CHD8: variants seen among roughly 807,000 people sequenced by gnomAD.
The protein encoded by CHD8 is chromodomain helicase DNA binding protein 8.
In CHD8, 31 loss-of-function variants were observed where a neutral mutation model predicts 279.2. The ratio of observed to expected loss-of-function variants is 0.11; its 90% CI spans 0.08 to 0.15. The LOEUF (loss-of-function observed/expected upper bound fraction) is 0.15. Ranked by LOEUF, CHD8 falls within the 10% of genes least tolerant of loss-of-function variation. The pLI, the probability that CHD8 is intolerant of heterozygous loss-of-function variation, is 1.00. For synonymous variants in CHD8, 1,081 were observed against 1,139.6 expected (o/e 0.95, Z 1.04); for missense variants, 2,146 against 3,230.5 (o/e 0.66, Z 8.14).
chr14:21,411,330 G>A (rs1029218014), intron 10 of CHD8, among the ~76,000 whole-genome samples: 1 of 152,174 alleles, frequency 6.6e-6, no homozygotes, highest in African/African-American at 2.4e-5. Context: ...AAGCATGCTT[G>A]TTAGGATTTA....
chr14:21,416,039 AAGG>A (rs1441782857), intron 5 of CHD8, 132 bp from the exon 6 acceptor site: 7 of 731,434 alleles, frequency 9.6e-6, no homozygotes, highest in Non-Finnish European at 1.4e-5. Context: ...AAAAGATGAT[AAGG>A]AGATTATCTG....
chr14:21,387,462 A>G (rs188692529), intron 37 of CHD8, among the ~76,000 whole-genome samples: 4 of 151,758 alleles, frequency 2.6e-5, no homozygotes, highest in African/African-American at 7.3e-5. Context: ...GAGAAACCCC[A>G]TCTCTACTAA....
chr14:21,404,601 G>A (rs927286595), intron 16 of CHD8, among the ~76,000 whole-genome samples: 1 of 152,130 alleles, frequency 6.6e-6, no homozygotes, highest in Non-Finnish European at 1.5e-5. Context: ...AAGGAACAGA[G>A]TAACCTAAGA....
intron 16 of CHD8, among the ~76,000 whole-genome samples, chr14:21,404,217 G>T (rs531515515): frequency 1.3e-5 from 2 of 151,960 alleles, no homozygotes; most frequent in African/African-American, 4.8e-5. Flanking sequence ...GCCCCATGTG[G>T]CGAAACCCTG....
chr14:21,429,683 C>T (rs1020881472), intron 2 of CHD8: 5 of 382,092 alleles, frequency 1.3e-5, no homozygotes, highest in African/African-American at 1.0e-4. Flanking sequence ...ATATTGATGT[C>T]AAACTTAGTG....
At chr14:21,393,358 T>G in intron 32 of CHD8, 104 bp from the exon 33 acceptor site, 1 of 1,529,198 alleles carries the variant, frequency 6.5e-7, no homozygotes, top group Non-Finnish European at 8.8e-7. Flanking sequence ...AATGGCACTC[T>G]TTTGACATTT....
intron 5 of CHD8, among the ~76,000 whole-genome samples, chr14:21,423,064 A>C (rs757147074): frequency 5.9e-5 from 9 of 152,124 alleles, no homozygotes; most frequent in Non-Finnish European, 1.0e-4. Context: ...TACTAAAAAT[A>C]TAAAAATTAG....
intron 5 of CHD8, chr14:21,416,150 T>G (rs1272075914): frequency 2.7e-6 from 1 of 369,070 alleles, no homozygotes; most frequent in Non-Finnish European, 4.8e-6. Context: ...TGTCCACTAG[T>G]GGCAAGAAGC....
In CHD8 at chr14:21,395,364, G is replaced by T. The variant is rs749571608; in HGVS notation, c.5128-12C>A. 2.5e-6 allele frequency: 4 copies of T among 1,595,016 alleles called. No individual in the cohort carries two copies. Among genetic ancestry groups the T allele is most frequent in the Non-Finnish European group, 8.6e-7 (1 of 1,167,708 alleles). On this transcript the variant is annotated splice_polypyrimidine_tract_variant and intron_variant, in intron 28 of 37. Transcript: ENST00000646647. ...ATCAAGGGATCACCCTAGAGAAGGA[G>T]ATCCACCCAATAGGATGGAGCGGGG...
In CHD8 at chr14:21,386,139, G is replaced by C. The variant is rs1306963923; in HGVS notation, c.7220C>G (p.Pro2407Arg). 6 of 1,552,458 alleles carry C rather than the reference G, an allele frequency of 3.9e-6. No individual in the cohort carries two copies. The highest frequency in any genetic ancestry group is 5.2e-6 in the Non-Finnish European group (6 of 1,147,404). The stretch of plus-strand genomic sequence containing the variant: ...GCTGCTCTCTGGTGCAATAGGCCCT[G>C]GCAAAACCCGGTTGAACACCGTTTC... Reference protein sequence around the residue: ...HTETVFNRVLPGPIAPESSKK... With the variant: ...HTETVFNRVLRGPIAPESSKK... Residue 2407 changes from proline to arginine, a missense_variant, in exon 38 of 38, where the codon CCA becomes CGA. Coordinates refer to ENST00000646647, the MANE Select transcript of CHD8 (RefSeq NM_001170629.2).
In CHD8 at chr14:21,415,613, A is replaced by G. The variant is rs896527653; in HGVS notation, c.1929T>C (p.Ile643=). The G allele has an allele frequency of 6.2e-7, 1 of 1,605,378 alleles. No homozygotes were observed. Among genetic ancestry groups the G allele is most frequent in the Non-Finnish European group, 8.5e-7 (1 of 1,175,700 alleles). The change falls in exon 7 of 38, where the codon ATT becomes ATC. Residue 643 remains isoleucine, a synonymous_variant. Coordinates refer to ENST00000646647, the MANE Select transcript of CHD8 (RefSeq NM_001170629.2). The part of the protein sequence containing the change: ...VENPSEEDAA[I]VDKVLSMRIV... Reference sequence around the variant, plus strand: ...TCCGCATAGAAAGCACTTTGTCTACAATGGCTGCATCTTCTTCACTGGGAT... The same window carrying G: ...TCCGCATAGAAAGCACTTTGTCTACGATGGCTGCATCTTCTTCACTGGGAT...
chr14:21,418,826 A>G (rs1428890275), intron 5 of CHD8, among the ~76,000 whole-genome samples: 1 of 152,184 alleles, frequency 6.6e-6, no homozygotes, highest in Non-Finnish European at 1.5e-5. Flanking sequence ...GTCTCAAAAA[A>G]TAAATAAATA....
intron 1 of CHD8, among the ~76,000 whole-genome samples, chr14:21,443,728 C>T (rs1052806706): frequency 3.3e-5 from 5 of 151,488 alleles, no homozygotes; most frequent in Non-Finnish European, 5.9e-5. Context: ...TGGTGGTGGG[C>T]GCCTGTATTC....
rs1190916595 is a variant in CHD8, at chr14:21,431,700, G to A, written c.-57C>T. The A allele has an allele frequency of 4.4e-6, 7 of 1,595,744 alleles. No individual in the cohort carries two copies. In the South Asian group the frequency reaches 5.6e-5, roughly 13 times the overall value. ...GGTCTAGGGAGGGAAGGGGAGGGGG[G>A]GTACTGGCTCTCCCCTCCCCTCCCC... On this transcript the variant is annotated 5_prime_UTR_variant, in exon 2 of 38. Transcript: ENST00000646647.
rs1196466936 is a variant in CHD8 at position 21,431,663 on chromosome 14, G to T, written c.-20C>A. 6.4e-7 allele frequency: 1 copy of T among 1,551,498 alleles called. No homozygotes were observed. Among genetic ancestry groups the T allele is most frequent in the Non-Finnish European group, 8.7e-7 (1 of 1,148,682 alleles). On this transcript the variant is annotated 5_prime_UTR_variant, in exon 2 of 38. Transcript: ENST00000646647. ...TGCCATCTTGGGAAAGTAATGGAGGGTACTTCTCCAAGGTCTAGGGAGGGA... is the reference window on the plus strand; with the variant it reads ...TGCCATCTTGGGAAAGTAATGGAGGTTACTTCTCCAAGGTCTAGGGAGGGA...
At chr14:21,437,363 G>A (rs181436528) in intron 1 of CHD8, 32 of 685,680 alleles carry the variant, frequency 4.7e-5, no homozygotes, top group African/African-American at 1.5e-4. Flanking sequence ...GCAAAGGGTG[G>A]GACTATAAGG....
Position 21,394,192 on chromosome 14 carries a change from G to A in CHD8, c.5603C>T (p.Pro1868Leu), listed in dbSNP as rs368662607. 2 of 1,607,266 alleles carry A rather than the reference G, an allele frequency of 1.2e-6. No individual in the cohort carries two copies. Among genetic ancestry groups the A allele is most frequent in the Non-Finnish European group, 1.7e-6 (2 of 1,175,196 alleles). ...CRLPPAAGDE[P>L]PDPNLFIEPI... Reference sequence around the variant, plus strand: ...CTCAATGAACAGGTTAGGGTCGGGGGGTTCTGCAAGAGACAGGAGTAGAAG... The same window carrying A: ...CTCAATGAACAGGTTAGGGTCGGGGAGTTCTGCAAGAGACAGGAGTAGAAG... Residue 1868 changes from proline to leucine, a missense_variant, in exon 32 of 38, where the codon CCC becomes CTC. By Grantham distance (98) the Pro-to-Leu change is moderately conservative. Coordinates refer to ENST00000646647, the MANE Select transcript of CHD8 (RefSeq NM_001170629.2).
Position 21,403,772 on chromosome 14 carries a change from A to G in CHD8, c.3308-109T>C. ...AAAAAATGTAATTTGACTTAAGACC[A>G]ACATTTCTCACACACAGAATTTCAG... is the stretch of plus-strand genomic sequence containing the variant. On this transcript the variant is annotated intron_variant, in intron 16 of 37. Transcript: ENST00000646647. This position sits in a 1 kb window ranked among gnomAD's most constrained non-coding sequence, Gnocchi z 4.3. 3 of 921,900 alleles carry G rather than the reference A, an allele frequency of 3.3e-6. No homozygotes were observed. Among genetic ancestry groups the G allele is most frequent in the Non-Finnish European group, 5.0e-6 (3 of 602,002 alleles). 57.1% of individuals were successfully genotyped at this position (921,900 alleles called of 1,614,324 possible). A position where few individuals can be genotyped will look rare whatever the true frequency, so the allele number is the denominator to read the frequency against.
chr14:21,397,640 A>G lies in CHD8; in HGVS notation c.5051+183T>C, dbSNP rs558196133. On this transcript the variant is annotated intron_variant, in intron 27 of 37. Transcript: ENST00000646647. The stretch of plus-strand genomic sequence containing the variant: ...AAGTGACATTCATTTTCACCCTCAG[A>G]TGTATCTTATGGCAACATGTGGTTT... 4 of 579,526 alleles carry G rather than the reference A, an allele frequency of 6.9e-6. No individual in the cohort carries two copies. The East Asian group carries it at 1.2e-4, about 18-fold the overall frequency. 35.9% of individuals were successfully genotyped at this position (579,526 alleles called of 1,614,324 possible). A position where few individuals can be genotyped will look rare whatever the true frequency, so the allele number is the denominator to read the frequency against.
Sources: gnomAD v4.1 joint callset for allele counts (sites outside exome capture counted in the v4.1 genomes callset) on GRCh38, gnomAD v4.1.1 for gene constraint, Gnocchi (gnomAD v3.1) non-coding constraint, MANE v1.5 for transcripts, NCBI Gene and HGNC (gene_info 2026-07-23, HGNC 2026-07-21) for gene names.